Variants in NOTCH1 observed in about 807,000 individuals in gnomAD.
NOTCH1 encodes the protein neurogenic locus notch homolog protein 1.
In NOTCH1, 37 loss-of-function variants were observed where a neutral mutation model predicts 254.8. The observed-to-expected ratio is 0.15, with a 90% confidence interval of 0.11 to 0.19. The LOEUF (loss-of-function observed/expected upper bound fraction) is 0.19. NOTCH1 is among the 10% of genes least tolerant of loss of function. NOTCH1 has a pLI of 1.00. For missense variants in NOTCH1, 2,972 were observed against 3,708.6 expected, an observed-to-expected ratio of 0.80 and a Z score of 5.16; for synonymous variants, 1,731 against 1,618.1, an observed-to-expected ratio of 1.07 and a Z score of -1.68.
intron 2 of NOTCH1, among the ~76,000 whole-genome samples, chr9:136,527,513 C>T (rs553319963): frequency 2.6e-5 from 4 of 152,362 alleles, no homozygotes; most frequent in African/African-American, 4.8e-5. Flanking sequence ...CACCTTCCAC[C>T]GTCCCCGCAT....
In NOTCH1 at chr9:136,518,766, G is replaced by A. The variant is rs765208754; in HGVS notation, c.924C>T (p.Asn308=). 3.0e-5 allele frequency: 48 copies of A among 1,612,742 alleles called. No individual in the cohort carries two copies. The highest frequency in any genetic ancestry group is 1.3e-4 in the Admixed American group (8 of 60,000). Reference sequence around the variant, plus strand: ...CGTGGGTGTTGTGGCAGGTCCCGCCGTTCTGGCAGGCATTTGGCATCAGCT... The same window carrying A: ...CGTGGGTGTTGTGGCAGGTCCCGCCATTCTGGCAGGCATTTGGCATCAGCT... ...ECQLMPNACQ[N]GGTCHNTHGG... is the part of the protein sequence containing the mutation. The change falls in exon 6 of 34, where the codon AAC becomes AAT. Residue 308 remains asparagine, a synonymous_variant. Transcript: ENST00000651671.
intron 26 of NOTCH1, among the ~76,000 whole-genome samples, chr9:136,504,454 G>C (rs567641952): frequency 3.3e-5 from 5 of 152,350 alleles, no homozygotes; most frequent in South Asian, 2.1e-4. Flanking sequence ...CCAGGAAAAG[G>C]GTGTGGCTGT....
intron 4 of NOTCH1, among the ~76,000 whole-genome samples, chr9:136,521,362 A>C (rs1589070757): frequency 1.4e-5 from 2 of 141,806 alleles, no homozygotes; most frequent in African/African-American, 5.2e-5. Context: ...CTCCCTGCCC[A>C]CTCCCCAGGG....
chr9:136,495,780 T>G lies in NOTCH1; in HGVS notation c.*291A>C. ...TATTTTATAAACACAGAAGAATCTT[T>G]TCATCCTACGTAGGAAAACCCTGGC... On this transcript the variant is annotated 3_prime_UTR_variant, in exon 34 of 34. Transcript: ENST00000651671. 2.4e-6 allele frequency: 1 copy of G among 419,574 alleles called. No homozygotes were observed. Among genetic ancestry groups the G allele is most frequent in the Non-Finnish European group, 4.2e-6 (1 of 236,338 alleles). 26.0% of individuals were successfully genotyped at this position (419,574 alleles called of 1,614,324 possible).
In NOTCH1 at chr9:136,505,105, C is replaced by A. The variant is rs2133337914; in HGVS notation, c.4587-1G>T. The A allele has an allele frequency of 6.2e-7, 1 of 1,607,676 alleles. No homozygotes were observed. On this transcript the variant is annotated splice_acceptor_variant, in intron 25 of 33. Coordinates refer to ENST00000651671, the MANE Select transcript of NOTCH1 (RefSeq NM_017617.5). LOFTEE classifies it high-confidence loss of function. ...CTTGCAGTACTGGTCGTACAGGGGG[C>A]TGTGGGGGGCGGGACACGCTCAGGC...
Position 136,495,206 on chromosome 9 carries a change from G to GC in NOTCH1, c.*864dup, listed in dbSNP as rs1463382993. 2.5e-6 allele frequency: 1 copy of GC among 398,932 alleles called. No homozygotes were observed. The highest frequency in any genetic ancestry group is 3.5e-5 in the East Asian group (1 of 28,224). 24.7% of individuals were successfully genotyped at this position (398,932 alleles called of 1,614,324 possible). ...TAGGATGCCTCCGTGTGTGACCCAG[G>GC]CAAGTGCCACAGTCCACACATCTCA... On this transcript the variant is annotated 3_prime_UTR_variant, in exon 34 of 34. Transcript: ENST00000651671.
chr9:136,505,837 G>A lies in NOTCH1; in HGVS notation c.4059C>T (p.Gly1353=), dbSNP rs2133341126. The change falls in exon 25 of 34, where the codon GGC becomes GGT. Residue 1353 remains glycine, a synonymous_variant. Transcript: ENST00000651671. ...ATCENDARTC[G]SLRCLNGGTC... is the part of the protein sequence containing the mutation. The stretch of plus-strand genomic sequence containing the variant: ...TGCCGCCGTTGAGGCAGCGCAGGCT[G>A]CCGCAGGTACGAGCGTCATTCTCAC... 1 of 1,594,620 alleles carries A rather than the reference G, an allele frequency of 6.3e-7. No individual in the cohort carries two copies. Among genetic ancestry groups the A allele is most frequent in the Non-Finnish European group, 8.5e-7 (1 of 1,176,886 alleles).
chr9:136,545,802 G>T lies in NOTCH1; in HGVS notation c.-16C>A. On this transcript the variant is annotated 5_prime_UTR_variant, in exon 1 of 34. Coordinates refer to ENST00000651671, the MANE Select transcript of NOTCH1 (RefSeq NM_017617.5). The surrounding 1 kb of genome is among the most constrained non-coding windows in gnomAD (Gnocchi z 6.8). ...GCGGCGGCATGCCTCCCCACCGGCT[G>T]CCCTCTGCGCCCGGGCGGCGGCCTC... The T allele has an allele frequency of 7.9e-7, 1 of 1,263,088 alleles. No individual in the cohort carries two copies. The highest frequency in any genetic ancestry group is 1.0e-6 in the Non-Finnish European group (1 of 1,003,388). 78.2% of individuals were successfully genotyped at this position (1,263,088 alleles called of 1,614,324 possible). A position where few individuals can be genotyped will look rare whatever the true frequency, so the allele number is the denominator to read the frequency against.
chr9:136,522,799 G>A (rs1481215296), intron 4 of NOTCH1, 51 bp downstream of exon 4: 2 of 1,430,380 alleles, frequency 1.4e-6, no homozygotes, highest in East Asian at 2.5e-5. Context: ...CACCCCCTGG[G>A]CCTGGCAGCC....
chr9:136,514,165 G>A (rs1031846392), intron 13 of NOTCH1, among the ~76,000 whole-genome samples: 2 of 152,320 alleles, frequency 1.3e-5, no homozygotes, highest in African/African-American at 2.4e-5. Context: ...GGTCCCTGCT[G>A]ATTTAAATGG....
chr9:136,522,567 C>A, intron 4 of NOTCH1: 1 of 477,492 alleles, frequency 2.1e-6, no homozygotes, highest in East Asian at 3.5e-5. Context: ...GGTGCCTGCA[C>A]TGGGGGGAGG....
rs2133408147 is a variant in NOTCH1 at position 136,545,462 on chromosome 9, C to T, written c.61+264G>A. 6.6e-6 allele frequency among the ~76,000 whole-genome samples: 1 copy of T among 152,200 alleles called. No individual in the cohort carries two copies. Among genetic ancestry groups the T allele is most frequent in the Admixed American group, 6.5e-5 (1 of 15,294 alleles). On this transcript the variant is annotated intron_variant, in intron 1 of 33. Transcript: ENST00000651671. This position sits in a 1 kb window ranked among gnomAD's most constrained non-coding sequence, Gnocchi z 6.8. ...AAGGGCGGGCCCGGAGTAGGGCCTC[C>T]GGGGCCCCAGCACCCCACACCGGCC... is the stretch of plus-strand genomic sequence containing the variant.
At chr9:136,512,214 C>G (rs1472186880) in intron 15 of NOTCH1, among the ~76,000 whole-genome samples, 1 of 152,226 alleles carries the variant, frequency 6.6e-6, no homozygotes, top group Non-Finnish European at 1.5e-5. Context: ...CTGACTGACA[C>G]AGGAGAGAAA....
At chr9:136,510,842 C>G in intron 16 of NOTCH1, 37 bp from the exon 17 acceptor site, 1 of 1,603,120 alleles carries the variant, frequency 6.2e-7, no homozygotes, top group South Asian at 1.1e-5. Flanking sequence ...TCACCAGCGG[C>G]CCCTGGCCCT....
At position 136,518,309 on chromosome 9, in the gene NOTCH1, G is replaced by A. The variant is rs373481386; in HGVS notation, c.1100-17C>T. On this transcript the variant is annotated splice_polypyrimidine_tract_variant and intron_variant, in intron 6 of 33. Transcript: ENST00000651671. Reference sequence around the variant, plus strand: ...ACAGCAGACCTGGGCAGGCAGCGGCGGTCAGTGGGCACGGCCCCTGGGCCA... The same window carrying A: ...ACAGCAGACCTGGGCAGGCAGCGGCAGTCAGTGGGCACGGCCCCTGGGCCA... The A allele has an allele frequency of 1.2e-5, 19 of 1,605,388 alleles. No individual in the cohort carries two copies. The highest frequency in any genetic ancestry group is 6.7e-5 in the Admixed American group (4 of 59,322).
chr9:136,519,143 G>T (rs1227761823), intron 5 of NOTCH1, among the ~76,000 whole-genome samples: 1 of 152,230 alleles, frequency 6.6e-6, no homozygotes, highest in Non-Finnish European at 1.5e-5. Flanking sequence ...CCTGAGTGGG[G>T]TGCTGAAGGC....
chr9:136,518,410 G>A (rs900248319), intron 6 of NOTCH1, 118 bp from the exon 7 acceptor site: 14 of 1,390,776 alleles, frequency 1.0e-5, no homozygotes, highest in South Asian at 2.5e-5. Flanking sequence ...TGACCCCGTC[G>A]GGCATCCCGT....
rs1451681122 is a variant in NOTCH1 at position 136,495,634 on chromosome 9, G to A, written c.*437C>T. The A allele has an allele frequency of 2.5e-6, 1 of 401,760 alleles. No individual in the cohort carries two copies. The highest frequency in any genetic ancestry group is 1.2e-4 in the South Asian group (1 of 8,222). The allele number at this position is 401,760 out of a possible 1,614,324, so 24.9% of individuals were successfully genotyped here. A position where few individuals can be genotyped will look rare whatever the true frequency, so the allele number is the denominator to read the frequency against. Reference sequence around the variant, plus strand: ...GTCGGGGAAAGGGCGCGGCCTGGACGCCCCAGGAGCTTTTTGGACTATGCT... The same window carrying A: ...GTCGGGGAAAGGGCGCGGCCTGGACACCCCAGGAGCTTTTTGGACTATGCT... On this transcript the variant is annotated 3_prime_UTR_variant, in exon 34 of 34. Coordinates refer to ENST00000651671, the MANE Select transcript of NOTCH1 (RefSeq NM_017617.5).
chr9:136,528,533 G>A (rs941871958), intron 2 of NOTCH1, among the ~76,000 whole-genome samples: 14 of 143,652 alleles, frequency 9.7e-5, no homozygotes, highest in African/African-American at 3.1e-4. Flanking sequence ...GGACAGTGGA[G>A]GGACGGGCAG....
Sources: allele counts gnomAD v4.1 joint callset (sites outside exome capture counted in the v4.1 genomes callset), GRCh38; gene constraint gnomAD v4.1.1; non-coding constraint Gnocchi (gnomAD v3.1); transcripts MANE v1.5; gene names NCBI Gene and HGNC (gene_info 2026-07-23, HGNC 2026-07-21).